The following RGS9 variants were observed in gnomAD, a reference collection of about 807,000 sequenced individuals.
RGS9 encodes regulator of G protein signaling 9.
A neutral mutation model predicts 102.0 loss-of-function variants in RGS9; 78 were observed. That is an observed-to-expected ratio of 0.76 (90% CI 0.64 to 0.92). The LOEUF (loss-of-function observed/expected upper bound fraction) is 0.92. RGS9 is among the 40% of genes least tolerant of loss of function. The pLI, the probability that RGS9 is intolerant of heterozygous loss-of-function variation, is 0.00. For synonymous variants in RGS9, 353 were observed against 318.6 expected, an observed-to-expected ratio of 1.11 and a Z score of -1.15; for missense variants, 833 against 866.1, an observed-to-expected ratio of 0.96 and a Z score of 0.48.
intron 2 of RGS9, among the ~76,000 whole-genome samples, chr17:65,157,574 AT>A (rs1179351191): frequency 1.3e-5 from 2 of 151,402 alleles, no homozygotes; most frequent in African/African-American, 2.4e-5. Context: ...CCATTTTTTC[AT>A]GTTTTTTTGT....
intron 1 of RGS9, among the ~76,000 whole-genome samples, chr17:65,147,070 G>A (rs952934620): frequency 7.9e-5 from 12 of 152,154 alleles, no homozygotes; most frequent in South Asian, 2.1e-4. Flanking sequence ...CCCTCCTGGC[G>A]TTGTCCCTTT....
chr17:65,220,795 G>A (rs1480377014), intron 17 of RGS9, among the ~76,000 whole-genome samples: 1 of 152,296 alleles, frequency 6.6e-6, no homozygotes, highest in South Asian at 2.1e-4. Flanking sequence ...GCCTGTGATT[G>A]TGTTCTCATG....
In RGS9 at chr17:65,173,664, T is replaced by C. The variant is rs1285418022; in HGVS notation, c.583-4068T>C. On this transcript the variant is annotated intron_variant, in intron 8 of 18. Transcript: ENST00000262406. This position sits in a 1 kb window ranked among gnomAD's most constrained non-coding sequence, Gnocchi z 4.8. ...AGGGCAGAAAGTGCCTGCTGCCTCCTTATCTGCGGGCCACACACCGCAGGA... is the reference window on the plus strand; with the variant it reads ...AGGGCAGAAAGTGCCTGCTGCCTCCCTATCTGCGGGCCACACACCGCAGGA... 5.3e-5 allele frequency among the ~76,000 whole-genome samples: 8 copies of C among 152,250 alleles called. No homozygotes were observed. Among genetic ancestry groups the C allele is most frequent in the Admixed American group, 1.3e-4 (2 of 15,288 alleles).
chr17:65,147,896 T>TTA (rs2143962455), intron 1 of RGS9, among the ~76,000 whole-genome samples: 1 of 152,220 alleles, frequency 6.6e-6, no homozygotes, highest in East Asian at 1.9e-4. Context: ...CGGCCTCTCT[T>TTA]TAAAAAATTT....
intron 7 of RGS9, among the ~76,000 whole-genome samples, chr17:65,163,781 G>C (rs1252792053): frequency 1.3e-5 from 2 of 152,224 alleles, no homozygotes; most frequent in African/African-American, 4.8e-5. Context: ...CCAGAGGCTG[G>C]AGGCAGGAGT....
chr17:65,141,216 G>C (rs1211694761), intron 1 of RGS9, among the ~76,000 whole-genome samples: 1 of 152,208 alleles, frequency 6.6e-6, no homozygotes, highest in Non-Finnish European at 1.5e-5. Flanking sequence ...GGCTTTGCTG[G>C]GGAATTAGCT....
intron 7 of RGS9, among the ~76,000 whole-genome samples, chr17:65,164,481 A>G (rs1416978199): frequency 6.6e-6 from 1 of 152,186 alleles, no homozygotes; most frequent in African/African-American, 2.4e-5. Flanking sequence ...TGATCCCCCC[A>G]GTCCAGCCTC....
chr17:65,220,463 A>G (rs1700547457), intron 17 of RGS9, among the ~76,000 whole-genome samples: 1 of 150,698 alleles, frequency 6.6e-6, no homozygotes, highest in African/African-American at 2.5e-5. Flanking sequence ...GCTAACTGAG[A>G]AGGTCTTGTG....
intron 7 of RGS9, 53 bp from the exon 8 acceptor site, chr17:65,168,146 TA>T: frequency 1.6e-6 from 2 of 1,236,350 alleles, no homozygotes; most frequent in Non-Finnish European, 2.3e-6. Context: ...GGGGCATCAC[TA>T]ATCAAAAGAC....
chr17:65,147,343 T>C lies in RGS9; in HGVS notation c.58-6079T>C, dbSNP rs994111713. On this transcript the variant is annotated intron_variant, in intron 1 of 18. Coordinates refer to ENST00000262406, the MANE Select transcript of RGS9 (RefSeq NM_003835.4). The stretch of plus-strand genomic sequence containing the variant: ...GTGGCCTCAGCTGTGTACCTGCCCT[T>C]GGCCCATTTCTTGAAATCGTGGTTC... Among the ~76,000 whole-genome samples, 7 of 152,152 alleles carry C rather than the reference T, an allele frequency of 4.6e-5. No individual in the cohort carries two copies. The South Asian group carries it at 1.2e-3, about 27-fold the overall frequency.
Position 65,158,390 on chromosome 17 carries a change from A to G in RGS9, c.205+45A>G, listed in dbSNP as rs759700196. 12 of 1,550,508 alleles carry G rather than the reference A, an allele frequency of 7.7e-6. No homozygotes were observed. The East Asian group carries it at 1.1e-4, about 14-fold the overall frequency. Reference sequence around the variant, plus strand: ...TCAGTTATCCGGGACAGCTTTGTGTACAGCACCATGGGAGAAACTAAATAG... The same window carrying G: ...TCAGTTATCCGGGACAGCTTTGTGTGCAGCACCATGGGAGAAACTAAATAG... On this transcript the variant is annotated intron_variant, in intron 3 of 18. Transcript: ENST00000262406.
At chr17:65,171,389 A>T (rs950196818) in intron 8 of RGS9, among the ~76,000 whole-genome samples, 3 of 152,238 alleles carry the variant, frequency 2.0e-5, no homozygotes, top group South Asian at 2.1e-4. Context: ...ATTGAGGCTC[A>T]TAGAGGTTCA....
intron 17 of RGS9, among the ~76,000 whole-genome samples, chr17:65,215,866 G>A (rs1385941141): frequency 4.6e-5 from 7 of 152,038 alleles, no homozygotes; most frequent in East Asian, 1.9e-4. Flanking sequence ...TGGCCTTGGA[G>A]CTCTTATGTA....
In RGS9 at chr17:65,210,504, A is replaced by C; in HGVS notation, c.1306A>C (p.Met436Leu). The change falls in exon 17 of 19, where the codon ATG becomes CTG. Residue 436 changes from methionine to leucine, a missense_variant. Physicochemically the swap from Met to Leu is conservative, Grantham distance 15. Transcript: ENST00000262406. ...TTKKSSTLPF[M>L]RRHLRSSPSP... Reference sequence around the variant, plus strand: ...TCCTTCCAGCTCCACCCTCCCTTTTATGCGGCGTCACCTGCGCTCCAGCCC... The same window carrying C: ...TCCTTCCAGCTCCACCCTCCCTTTTCTGCGGCGTCACCTGCGCTCCAGCCC... The C allele has an allele frequency of 3.7e-6, 6 of 1,613,446 alleles. No individual in the cohort carries two copies. The highest frequency in any genetic ancestry group is 4.2e-6 in the Non-Finnish European group (5 of 1,179,960).
chr17:65,164,039 C>G (rs8072314), intron 7 of RGS9, among the ~76,000 whole-genome samples: 3,179 of 152,264 alleles, frequency 0.021, 98 homozygotes, highest in African/African-American at 0.072. Flanking sequence ...GAAGTCCCCT[C>G]CAGGGCTCTG....
At chr17:65,140,495 A>C (rs1032597526) in intron 1 of RGS9, among the ~76,000 whole-genome samples, 1 of 152,102 alleles carries the variant, frequency 6.6e-6, no homozygotes. Flanking sequence ...GGCCTTCAAG[A>C]CCTTTTAAAG....
intron 11 of RGS9, among the ~76,000 whole-genome samples, chr17:65,190,969 T>C (rs1912343351): frequency 6.6e-6 from 1 of 152,212 alleles, no homozygotes; most frequent in Admixed American, 6.5e-5. Flanking sequence ...CTGTTTTGTT[T>C]AGTGCCTTCC....
intron 7 of RGS9, 60 bp from the exon 8 acceptor site, chr17:65,168,140 C>T: frequency 9.1e-7 from 1 of 1,099,104 alleles, no homozygotes; most frequent in Non-Finnish European, 1.4e-6. Context: ...GAATGAGGGG[C>T]ATCACTAATC....
intron 17 of RGS9, among the ~76,000 whole-genome samples, chr17:65,221,680 A>C (rs1913710269): frequency 6.6e-6 from 1 of 152,204 alleles, no homozygotes; most frequent in African/African-American, 2.4e-5. Context: ...ACTTATCAAC[A>C]ACAAACACTT....
Sources: gnomAD v4.1 joint callset for allele counts (sites outside exome capture counted in the v4.1 genomes callset) on GRCh38, gnomAD v4.1.1 for gene constraint, Gnocchi (gnomAD v3.1) non-coding constraint, MANE v1.5 for transcripts, NCBI Gene and HGNC (gene_info 2026-07-23, HGNC 2026-07-21) for gene names.